Variants in IMMP2L observed in about 807,000 individuals in gnomAD.
IMMP2L encodes the protein mitochondrial inner membrane protease subunit 2.
Under a neutral mutation model 19.3 loss-of-function variants are expected in IMMP2L, and 18 were observed. The observed-to-expected ratio is 0.93, with a 90% confidence interval of 0.64 to 1.38. The LOEUF is 1.38. Among genes scored for constraint, IMMP2L ranks in the 40% most tolerant of loss-of-function variants. The pLI is 0.00. For missense variants in IMMP2L, 233 were observed against 218.2 expected (o/e 1.07, Z -0.43); for synonymous variants, 76 against 73.0 (o/e 1.04, Z -0.21).
intron 3 of IMMP2L, among the ~76,000 whole-genome samples, chr7:111,330,834 A>G (rs1403388265): frequency 6.6e-6 from 1 of 151,990 alleles, no homozygotes; most frequent in Non-Finnish European, 1.5e-5. Context: ...AATGTTCAAC[A>G]TCGCTAATCA....
chr7:110,765,911 T>C (rs935435400), intron 5 of IMMP2L, among the ~76,000 whole-genome samples: 2 of 152,186 alleles, frequency 1.3e-5, no homozygotes, highest in African/African-American at 4.8e-5. Context: ...GTTACAAAGC[T>C]GTGTAAGTTT....
chr7:110,909,926 C>CAGAGAGAGAG (rs139251144), intron 4 of IMMP2L, among the ~76,000 whole-genome samples: 30 of 145,824 alleles, frequency 2.1e-4, no homozygotes, highest in African/African-American at 6.8e-4. Flanking sequence ...GAGAGATAGA[C>CAGAGAGAGAG]AGAGAGAGAG....
intron 3 of IMMP2L, among the ~76,000 whole-genome samples, chr7:111,471,237 A>C (rs1428609000): frequency 6.6e-6 from 1 of 152,136 alleles, no homozygotes; most frequent in Non-Finnish European, 1.5e-5. Flanking sequence ...GGAAATAAAC[A>C]TCAGTACTCT....
At position 111,143,743 on chromosome 7, in the gene IMMP2L, T is replaced by C. The variant is rs28524030; in HGVS notation, c.240-180178A>G. 9.4e-3 allele frequency among the ~76,000 whole-genome samples: 1,436 copies of C among 152,246 alleles called. 23 individuals carry two copies. The highest frequency in any genetic ancestry group is 0.032 in the African/African-American group (1,330 of 41,546). ...ACCACAGTCAGTGACTGATCCTCCA[T>C]GAGGGCCATATGAATCTCAGGATAT... is the stretch of plus-strand genomic sequence containing the variant. On this transcript the variant is annotated intron_variant, in intron 3 of 5. Coordinates refer to ENST00000405709, the MANE Select transcript of IMMP2L (RefSeq NM_032549.4).
chr7:111,519,633 G>T (rs1052178927), intron 2 of IMMP2L, among the ~76,000 whole-genome samples: 1 of 152,026 alleles, frequency 6.6e-6, no homozygotes, highest in South Asian at 2.1e-4. Flanking sequence ...GGCAGTCAAG[G>T]TCTTGTGAGC....
intron 3 of IMMP2L, among the ~76,000 whole-genome samples, chr7:111,417,808 T>C (rs1585021809): frequency 6.6e-6 from 1 of 152,044 alleles, no homozygotes; most frequent in East Asian, 1.9e-4. Context: ...CAATTATAAA[T>C]GTAGCAGACA....
chr7:111,453,366 C>T lies in IMMP2L; in HGVS notation c.239+33872G>A, dbSNP rs768324114. On this transcript the variant is annotated intron_variant, in intron 3 of 5. Coordinates refer to ENST00000405709, the MANE Select transcript of IMMP2L (RefSeq NM_032549.4). ...TGATGCCTTCTCCCCACTATGACAG[C>T]AGATTCCCTCTTCTGATTTTCCACT... 2.0e-5 allele frequency among the ~76,000 whole-genome samples: 3 copies of T among 152,276 alleles called. No individual in the cohort carries two copies. In the South Asian group the frequency reaches 6.2e-4, roughly 32 times the overall value.
chr7:111,235,471 A>G (rs1814191866), intron 3 of IMMP2L, among the ~76,000 whole-genome samples: 1 of 138,758 alleles, frequency 7.2e-6, no homozygotes. Flanking sequence ...AACTCCGTCT[A>G]AAAAAAAAAA....
At chr7:111,503,277 C>T (rs368825260) in intron 2 of IMMP2L, among the ~76,000 whole-genome samples, 21 of 152,034 alleles carry the variant, frequency 1.4e-4, no homozygotes, top group Non-Finnish European at 2.6e-4. Flanking sequence ...CAGGAAGAAG[C>T]TGAATCTCTG....
rs1056578669 is a variant in IMMP2L, at chr7:111,068,703, A to C, written c.240-105138T>G. The stretch of plus-strand genomic sequence containing the variant: ...AGAGCAACCTCTCAGTGATATCGTA[A>C]GCCAATTAAAAAGCCTCCTTCAATT... On this transcript the variant is annotated intron_variant, in intron 3 of 5. Coordinates refer to ENST00000405709, the MANE Select transcript of IMMP2L (RefSeq NM_032549.4). Among the ~76,000 whole-genome samples, 2 of 152,214 alleles carry C rather than the reference A, an allele frequency of 1.3e-5. 1 individual carries two copies. Among genetic ancestry groups the C allele is most frequent in the Admixed American group, 1.3e-4 (2 of 15,274 alleles).
At chr7:110,857,918 C>T (rs1048116081) in intron 5 of IMMP2L, among the ~76,000 whole-genome samples, 1 of 152,018 alleles carries the variant, frequency 6.6e-6, no homozygotes, top group Non-Finnish European at 1.5e-5. Flanking sequence ...TTAACTCCAT[C>T]GCCTTGTAAG....
At chr7:110,843,676 T>C (rs1805335696) in intron 5 of IMMP2L, among the ~76,000 whole-genome samples, 1 of 152,092 alleles carries the variant, frequency 6.6e-6, no homozygotes, top group Admixed American at 6.6e-5. Context: ...AAATTACACA[T>C]TGTAATAAAC....
intron 3 of IMMP2L, among the ~76,000 whole-genome samples, chr7:111,381,018 G>A: frequency 6.6e-6 from 1 of 152,026 alleles, no homozygotes; most frequent in East Asian, 1.9e-4. Context: ...AAAATAAATA[G>A]ATCTGAGAAT....
chr7:110,894,988 G>A (rs1811178256), intron 4 of IMMP2L, among the ~76,000 whole-genome samples: 1 of 152,092 alleles, frequency 6.6e-6, no homozygotes, highest in African/African-American at 2.4e-5. Flanking sequence ...TTTACCCTAT[G>A]TATTAGTCCA....
intron 3 of IMMP2L, among the ~76,000 whole-genome samples, chr7:111,074,112 T>C (rs1316976135): frequency 1.3e-5 from 2 of 152,178 alleles, no homozygotes; most frequent in African/African-American, 4.8e-5. Context: ...ACATCAAAGC[T>C]GGAAGGGACA....
In IMMP2L at chr7:110,674,615, A is replaced by C. The variant is rs534180693; in HGVS notation, c.409-10894T>G. 3.9e-5 allele frequency among the ~76,000 whole-genome samples: 6 copies of C among 152,366 alleles called. No individual in the cohort carries two copies. The South Asian group carries it at 6.2e-4, about 16-fold the overall frequency. On this transcript the variant is annotated intron_variant, in intron 5 of 5. Transcript: ENST00000405709. Reference sequence around the variant, plus strand: ...AGATGATATTTATTCTACAATATTAAATTACCTACAATTATGTTTGAAAGT... The same window carrying C: ...AGATGATATTTATTCTACAATATTACATTACCTACAATTATGTTTGAAAGT...
intron 4 of IMMP2L, among the ~76,000 whole-genome samples, chr7:110,917,228 G>A (rs1025735598): frequency 6.6e-6 from 1 of 152,188 alleles, no homozygotes; most frequent in African/African-American, 2.4e-5. Context: ...GGGAATCTCT[G>A]GAGGGAGCAC....
intron 3 of IMMP2L, among the ~76,000 whole-genome samples, chr7:111,076,099 C>T (rs182227922): frequency 1.9e-4 from 29 of 152,074 alleles, no homozygotes; most frequent in African/African-American, 6.3e-4. Flanking sequence ...AAATAGCCCC[C>T]CTCATGATAT....
At position 111,458,843 on chromosome 7, in the gene IMMP2L, A is replaced by G. The variant is rs181990658; in HGVS notation, c.239+28395T>C. ...TTCTGTATTTCCAGTTTCCTTCAGG[A>G]TATGTCTCCTTGAATGACTGGATAC... On this transcript the variant is annotated intron_variant, in intron 3 of 5. Transcript: ENST00000405709. Among the ~76,000 whole-genome samples the G allele has an allele frequency of 5.6e-4, 85 of 152,250 alleles. 2 individuals carry two copies. The highest frequency in any genetic ancestry group is 1.9e-3 in the African/African-American group (79 of 41,554).
Sources: gnomAD v4.1 joint callset for allele counts (sites outside exome capture counted in the v4.1 genomes callset) on GRCh38, gnomAD v4.1.1 for gene constraint, MANE v1.5 for transcripts, NCBI Gene and HGNC (gene_info 2026-07-23, HGNC 2026-07-21) for gene names.